Variants in FBLN2 observed in about 807,000 individuals in gnomAD.
The protein encoded by FBLN2 is fibulin 2.
Under a neutral mutation model 123.7 loss-of-function variants are expected in FBLN2, and 81 were observed. The observed-to-expected ratio is 0.65, with a 90% CI of 0.55 to 0.79. The LOEUF (loss-of-function observed/expected upper bound fraction) is 0.79, where lower values mean the gene tolerates loss of function less well. FBLN2 is among the 30% of genes least tolerant of loss of function. The pLI, the probability that FBLN2 is intolerant of heterozygous loss-of-function variation, is 0.00. For missense variants in FBLN2, 1,603 were observed against 1,681.3 expected (o/e 0.95, Z 0.81); for synonymous variants, 699 against 701.4 (o/e 1.00, Z 0.05).
chr3:13,600,022 AGAGAGAGAGAGAGAGAGAGAGAGC>A (rs1339948417), intron 2 of FBLN2, among the ~76,000 whole-genome samples: 2 of 93,862 alleles, frequency 2.1e-5, no homozygotes, highest in East Asian at 9.5e-4. Context: ...CACGACAGAG[AGAGAGAGAGAGAGAGAGAGAGAGC>A]GAGAGAGAGA....
intron 1 of FBLN2, among the ~76,000 whole-genome samples, chr3:13,552,079 T>C (rs868103001): frequency 1.3e-5 from 2 of 152,144 alleles, no homozygotes; most frequent in Non-Finnish European, 2.9e-5. Context: ...CCTCAAGTGA[T>C]CCTCACTCAC....
chr3:13,585,248 G>A (rs1239407868), intron 2 of FBLN2, among the ~76,000 whole-genome samples: 2 of 152,192 alleles, frequency 1.3e-5, no homozygotes, highest in South Asian at 2.1e-4. Context: ...CCTGCTTGGC[G>A]TGAGGCTGGT....
At chr3:13,610,712 G>A (rs1467259990) in intron 4 of FBLN2, among the ~76,000 whole-genome samples, 2 of 152,048 alleles carry the variant, frequency 1.3e-5, no homozygotes, top group African/African-American at 4.8e-5. Flanking sequence ...AAACTTCCTG[G>A]AACACTGGTT....
intron 2 of FBLN2, among the ~76,000 whole-genome samples, chr3:13,591,283 G>T (rs1403624193): frequency 6.6e-6 from 1 of 152,224 alleles, no homozygotes; most frequent in Non-Finnish European, 1.5e-5. Flanking sequence ...TGAGTCTCTT[G>T]TTGGATTCCA....
In FBLN2 at chr3:13,637,689, G is replaced by A. The variant is rs1272556761; in HGVS notation, c.3466G>A (p.Ala1156Thr). 22 of 1,613,848 alleles carry A rather than the reference G, an allele frequency of 1.4e-5. No homozygotes were observed. The highest frequency in any genetic ancestry group is 4.5e-5 in the East Asian group (2 of 44,892). The change falls in exon 18 of 18, where the codon GCG becomes ACG. Residue 1156 changes from alanine (A) to threonine (T), a missense_variant. Transcript: ENST00000404922. ...TGCGCATATCTTCCGCATTGGCCCC[G>A]CGCCAGCCTTCACGGGGGACACCAT... ...VPAHIFRIGPAPAFTGDTIAL... is the reference protein window; with the variant it reads ...VPAHIFRIGPTPAFTGDTIAL...
intron 2 of FBLN2, among the ~76,000 whole-genome samples, chr3:13,595,794 C>T (rs1241292684): frequency 6.6e-6 from 1 of 152,142 alleles, no homozygotes; most frequent in East Asian, 1.9e-4. Flanking sequence ...ACCCATTGTC[C>T]TATGATCAAA....
At position 13,581,714 on chromosome 3, in the gene FBLN2, G is replaced by A. The variant is rs527495685; in HGVS notation, c.1306+10053G>A. Among the ~76,000 whole-genome samples, 231 of 152,222 alleles carry A rather than the reference G, an allele frequency of 1.5e-3. 1 individual carries two copies. Among genetic ancestry groups the A allele is most frequent in the Non-Finnish European group, 2.8e-3 (189 of 67,990 alleles). ...GGCGGTCAGTTCAGTGGGTGCCCCC[G>A]TGCCTGACCACCAAGCCCCAGACCC... On this transcript the variant is annotated intron_variant, in intron 2 of 17. Coordinates refer to ENST00000404922, the MANE Select transcript of FBLN2 (RefSeq NM_001004019.2).
chr3:13,570,522 C>T lies in FBLN2; in HGVS notation c.167C>T (p.Ala56Val), dbSNP rs1452453251. The stretch of plus-strand genomic sequence containing the variant: ...GCGCTGGAGCCGGGTGCCTGCTGTG[C>T]CACGTGTGTGCAGCAGGGCTGCGCC... ...EEALEPGACC[A>V]TCVQQGCACE... is the part of the protein sequence containing the mutation. The change falls in exon 2 of 18, where the codon GCC becomes GTC. Residue 56 changes from alanine (A) to valine (V), a missense_variant. Coordinates refer to ENST00000404922, the MANE Select transcript of FBLN2 (RefSeq NM_001004019.2). The T allele has an allele frequency of 1.3e-6, 2 of 1,590,446 alleles. No homozygotes were observed. The highest frequency in any genetic ancestry group is 1.1e-5 in the South Asian group (1 of 87,282).
chr3:13,549,477 G>A (rs535254351), intron 1 of FBLN2, among the ~76,000 whole-genome samples: 2,053 of 151,878 alleles, frequency 0.014, 50 homozygotes, highest in African/African-American at 0.047. Flanking sequence ...CCGCGGGCGG[G>A]TTCCCCCACC....
At chr3:13,605,616 C>G (rs1705177158) in intron 2 of FBLN2, among the ~76,000 whole-genome samples, 2 of 152,184 alleles carry the variant, frequency 1.3e-5, no homozygotes, top group Non-Finnish European at 2.9e-5. Context: ...GATGGACACC[C>G]AGGCTGTCCG....
At chr3:13,609,149 G>T (rs1705304215) in intron 3 of FBLN2, among the ~76,000 whole-genome samples, 1 of 152,220 alleles carries the variant, frequency 6.6e-6, no homozygotes, top group African/African-American at 2.4e-5. Flanking sequence ...AACAGTGACT[G>T]GCAGGCAGTG....
intron 2 of FBLN2, among the ~76,000 whole-genome samples, chr3:13,586,832 A>T (rs1240958916): frequency 2.1e-5 from 3 of 145,184 alleles, no homozygotes; most frequent in South Asian, 2.2e-4. Context: ...TTAAGAAAAA[A>T]GATTTAAAAG....
chr3:13,583,912 A>C (rs1475812886), intron 2 of FBLN2, among the ~76,000 whole-genome samples: 2 of 152,160 alleles, frequency 1.3e-5, no homozygotes, highest in Non-Finnish European at 2.9e-5. Context: ...AGGAACCACA[A>C]AGGTGAAGAC....
chr3:13,627,555 C>G (rs552237622), intron 10 of FBLN2, among the ~76,000 whole-genome samples: 1 of 152,310 alleles, frequency 6.6e-6, no homozygotes, highest in African/African-American at 2.4e-5. Context: ...GTCATGACAT[C>G]TACTTCTTAC....
At chr3:13,552,744 G>A (rs1439271018) in intron 1 of FBLN2, among the ~76,000 whole-genome samples, 4 of 152,032 alleles carry the variant, frequency 2.6e-5, no homozygotes, top group African/African-American at 9.7e-5. Flanking sequence ...CCAGGGAGGG[G>A]CTCCCTGGAG....
intron 2 of FBLN2, among the ~76,000 whole-genome samples, chr3:13,590,732 GC>G (rs1472977272): frequency 6.6e-6 from 1 of 152,230 alleles, no homozygotes; most frequent in Non-Finnish European, 1.5e-5. Flanking sequence ...TGAGACTCAT[GC>G]ATATTGGTGC....
chr3:13,614,245 A>G (rs2124886879), intron 5 of FBLN2, 81 bp downstream of exon 5: 1 of 1,374,798 alleles, frequency 7.3e-7, no homozygotes, highest in Middle Eastern at 2.0e-4. Flanking sequence ...CCCTGGGTCC[A>G]TCATCACCTG....
chr3:13,572,023 G>A (rs995565821), intron 2 of FBLN2, among the ~76,000 whole-genome samples: 19 of 152,248 alleles, frequency 1.2e-4, no homozygotes, highest in Admixed American at 1.2e-3. Context: ...GGCAGGAAAT[G>A]CGAAGGGCGG....
chr3:13,633,688 G>A (rs959459982), intron 16 of FBLN2, among the ~76,000 whole-genome samples: 2 of 152,192 alleles, frequency 1.3e-5, no homozygotes, highest in African/African-American at 2.4e-5. Flanking sequence ...TAATGTCCCC[G>A]TTAGCCTTTA....
Sources: gnomAD v4.1 joint callset for allele counts (sites outside exome capture counted in the v4.1 genomes callset) on GRCh38, gnomAD v4.1.1 for gene constraint, MANE v1.5 for transcripts, NCBI Gene and HGNC (gene_info 2026-07-23, HGNC 2026-07-21) for gene names.